The following WRN variants were observed in gnomAD, a reference collection of about 807,000 sequenced individuals.
WRN encodes bifunctional 3'-5' exonuclease/ATP-dependent helicase WRN.
A neutral mutation model predicts 180.7 loss-of-function variants in WRN; 149 were observed. The ratio of observed to expected loss-of-function variants is 0.82; its 90% CI spans 0.72 to 0.94. The LOEUF is 0.94. Ranked by LOEUF, WRN falls within the 40% of genes least tolerant of loss-of-function variation. The pLI, the probability that WRN is intolerant of heterozygous loss-of-function variation, is 0.00. For synonymous variants in WRN, 548 were observed against 568.9 expected (o/e 0.96, Z 0.52); for missense variants, 1,661 against 1,700.1 (o/e 0.98, Z 0.40).
chr8:31,099,658 T>C (rs1425060714), intron 17 of WRN, among the ~76,000 whole-genome samples: 3 of 151,908 alleles, frequency 2.0e-5, no homozygotes, highest in African/African-American at 4.8e-5. Context: ...TTTGCATGTC[T>C]GTCTCCTCTT....
chr8:31,111,717 G>A lies in WRN; in HGVS notation c.2191G>A (p.Asp731Asn), dbSNP rs1291568074. 3.7e-6 allele frequency: 6 copies of A among 1,613,906 alleles called. No homozygotes were observed. The highest frequency in any genetic ancestry group is 2.7e-5 in the African/African-American group (2 of 74,902). ...TCCTCAGATCACCTGTACTGGTTTTGATCGACCAAACCTGTATTTAGAAGT... is the reference window on the plus strand; with the variant it reads ...TCCTCAGATCACCTGTACTGGTTTTAATCGACCAAACCTGTATTTAGAAGT... ...RNPQITCTGF[D>N]RPNLYLEVRR... The change falls in exon 19 of 35, where the codon GAT becomes AAT. Residue 731 changes from aspartate (D) to asparagine (N), a missense_variant. Coordinates refer to ENST00000298139, the MANE Select transcript of WRN (RefSeq NM_000553.6).
At chr8:31,165,508 C>T (rs1803821038) in intron 33 of WRN, among the ~76,000 whole-genome samples, 1 of 151,828 alleles carries the variant, frequency 6.6e-6, no homozygotes, top group African/African-American at 2.4e-5. Flanking sequence ...AATTAGTCTA[C>T]TATATTTAAA....
chr8:31,052,541 C>T (rs945214729), intron 1 of WRN, among the ~76,000 whole-genome samples: 8 of 152,216 alleles, frequency 5.3e-5, no homozygotes, highest in African/African-American at 1.9e-4. Context: ...GCGTGCACCA[C>T]CATGTCCAGC....
chr8:31,116,627 G>T lies in WRN; in HGVS notation c.2448+99G>T. 2.6e-6 allele frequency: 4 copies of T among 1,521,790 alleles called. No individual in the cohort carries two copies. In the Admixed American group the frequency reaches 6.9e-5, roughly 26 times the overall value. The allele number at this position is 1,521,790 out of a possible 1,614,324, so 94.3% of individuals were successfully genotyped here. On this transcript the variant is annotated intron_variant, in intron 20 of 34. Coordinates refer to ENST00000298139, the MANE Select transcript of WRN (RefSeq NM_000553.6). ...GATCTTTATTGAATACTTTCTTTGTGTTGAACATAAAGCAGTCCCTCTGAT... is the reference window on the plus strand; with the variant it reads ...GATCTTTATTGAATACTTTCTTTGTTTTGAACATAAAGCAGTCCCTCTGAT...
chr8:31,078,885 G>T (rs1381380812), intron 8 of WRN, among the ~76,000 whole-genome samples: 1 of 152,158 alleles, frequency 6.6e-6, no homozygotes, highest in East Asian at 1.9e-4. Flanking sequence ...CATAAAGCAT[G>T]TTATATTCCC....
Position 31,132,457 on chromosome 8 carries a change from T to G in WRN, c.2918T>G (p.Leu973Ter), listed in dbSNP as rs748216889. The G allele has an allele frequency of 1.2e-6, 2 of 1,614,056 alleles. No homozygotes were observed. Among genetic ancestry groups the G allele is most frequent in the Non-Finnish European group, 1.7e-6 (2 of 1,180,026 alleles). The stretch of plus-strand genomic sequence containing the variant: ...AAGCTTTTGTCTGCTGTGGACATCT[T>G]AGGCGAAAAATTTGGAATTGGGCTT... ...AFKLLSAVDILGEKFGIGLPI... is the reference protein window; with the variant it reads ...AFKLLSAVDI Residue 973 changes from leucine to a stop codon, truncating the protein, a stop_gained, in exon 24 of 35, where the codon TTA becomes TGA. Coordinates refer to ENST00000298139, the MANE Select transcript of WRN (RefSeq NM_000553.6). LOFTEE classifies it high-confidence loss of function.
intron 23 of WRN, among the ~76,000 whole-genome samples, chr8:31,128,236 G>A (rs1348709581): frequency 6.6e-6 from 1 of 152,086 alleles, no homozygotes; most frequent in Non-Finnish European, 1.5e-5. Context: ...TTAGTACACT[G>A]TAGAAAATTT....
At position 31,116,451 on chromosome 8, in the gene WRN, TG is replaced by T; in HGVS notation, c.2372del (p.Cys791LeufsTer8). ...TGAACTTAGGAAACTGAATCTATCC[TG>T]TGGAACATACCATGCGGGCATGAGT... ...TGELRKLNLSCGTYHAGMSFS... is the reference protein window; with the variant it reads ...TGELRKLNLSXGTYHAGMSFS... On this transcript the variant is annotated frameshift_variant, in exon 20 of 35. Coordinates refer to ENST00000298139, the MANE Select transcript of WRN (RefSeq NM_000553.6). LOFTEE classifies it high-confidence loss of function. 1 of 1,614,054 alleles carries T rather than the reference TG, an allele frequency of 6.2e-7. No individual in the cohort carries two copies. Among genetic ancestry groups the T allele is most frequent in the Non-Finnish European group, 8.5e-7 (1 of 1,179,962 alleles).
Position 31,069,922 on chromosome 8 carries a change from A to G in WRN, c.724+1595A>G, listed in dbSNP as rs113981821. Among the ~76,000 whole-genome samples the G allele has an allele frequency of 3.9e-5, 6 of 152,240 alleles. 1 individual carries two copies. Among genetic ancestry groups the G allele is most frequent in the African/African-American group, 1.4e-4 (6 of 41,544 alleles). On this transcript the variant is annotated intron_variant, in intron 7 of 34. Transcript: ENST00000298139. ...TTGTTACATGTGCAATTTTGATGAA[A>G]ATGCTTCCAAGGAATGTTTATGATA...
At chr8:31,096,742 C>CTTTTTTTTTTTTTTTTTTTTT in intron 16 of WRN, 26 bp from the exon 17 acceptor site, 1 of 1,019,012 alleles carries the variant, frequency 9.8e-7, no homozygotes, top group East Asian at 3.2e-5. Context: ...TTTTTTTTTT[C>CTTTTTTTTTTTTTTTTTTTTT]TTTTTTCTTT....
chr8:31,053,778 T>C (rs1812164630), intron 1 of WRN, among the ~76,000 whole-genome samples: 1 of 152,312 alleles, frequency 6.6e-6, no homozygotes, highest in African/African-American at 2.4e-5. Flanking sequence ...TGATGTTTAA[T>C]TGGTGTTATT....
At chr8:31,065,123 ACTTT>A (rs1812646513) in intron 5 of WRN, 60 bp downstream of exon 5, 1 of 1,538,332 alleles carries the variant, frequency 6.5e-7, no homozygotes, top group Non-Finnish European at 8.9e-7. Context: ...CACAGAATGT[ACTTT>A]CTATCTGAAT....
chr8:31,051,797 C>G (rs1812085674), intron 1 of WRN, among the ~76,000 whole-genome samples: 1 of 152,130 alleles, frequency 6.6e-6, no homozygotes, highest in Non-Finnish European at 1.5e-5. Context: ...CAGCCTTGAA[C>G]TTTCAGTTTT....
rs1303111798 is a variant in WRN at position 31,175,403 on chromosome 8, C to T, written c.*2301C>T. On this transcript the variant is annotated 3_prime_UTR_variant, in exon 35 of 35. Transcript: ENST00000298139. ...TGAGCTGAGACTGCGCCACTGCACC[C>T]CAGCCTGGCGACAGAGCAAGACTCC... 6.6e-6 allele frequency among the ~76,000 whole-genome samples: 1 copy of T among 152,094 alleles called. No individual in the cohort carries two copies. The highest frequency in any genetic ancestry group is 1.5e-5 in the Non-Finnish European group (1 of 68,004).
At position 31,173,021 on chromosome 8, in the gene WRN, A is replaced by G. The variant is rs779894987; in HGVS notation, c.4218A>G (p.Arg1406=). 3.1e-6 allele frequency: 5 copies of G among 1,613,974 alleles called. No homozygotes were observed. Among genetic ancestry groups the G allele is most frequent in the Non-Finnish European group, 4.2e-6 (5 of 1,179,950 alleles). Residue 1406 remains arginine (R), a synonymous_variant, in exon 35 of 35, where the codon CGA becomes CGG. Coordinates refer to ENST00000298139, the MANE Select transcript of WRN (RefSeq NM_000553.6). ...TETSSAERKR[R]LPVWFAKGSD... The stretch of plus-strand genomic sequence containing the variant: ...CTTCATCTGCAGAGAGAAAGAGACG[A>G]TTACCTGTGTGGTTTGCCAAAGGAA...
intron 24 of WRN, among the ~76,000 whole-genome samples, chr8:31,135,024 C>G (rs551648282): frequency 7.6e-4 from 115 of 152,052 alleles, no homozygotes; most frequent in Non-Finnish European, 1.4e-3. Flanking sequence ...CAAGCCCCCC[C>G]ACCAAAAAAA....
At chr8:31,052,645 C>T in intron 1 of WRN, among the ~76,000 whole-genome samples, 1 of 152,120 alleles carries the variant, frequency 6.6e-6, no homozygotes, top group Admixed American at 6.6e-5. Context: ...CCTTGGCCTC[C>T]CAAAGTACTG....
chr8:31,084,394 TAAG>T (rs1407871254), intron 10 of WRN, among the ~76,000 whole-genome samples: 2 of 152,208 alleles, frequency 1.3e-5, no homozygotes, highest in Non-Finnish European at 2.9e-5. Flanking sequence ...ATTCGTTAAA[TAAG>T]AAGTAAAATA....
intron 4 of WRN, 118 bp downstream of exon 4, chr8:31,064,552 A>G: frequency 7.1e-7 from 1 of 1,408,278 alleles, no homozygotes; most frequent in Non-Finnish European, 9.9e-7. Context: ...AAATTTATTT[A>G]AGTATTTATG....
Sources: allele counts gnomAD v4.1 joint callset (sites outside exome capture counted in the v4.1 genomes callset), GRCh38; gene constraint gnomAD v4.1.1; transcripts MANE v1.5; gene names NCBI Gene and HGNC (gene_info 2026-07-23, HGNC 2026-07-21).